Variants in FSTL5 observed in about 807,000 individuals in gnomAD.
FSTL5 encodes the protein follistatin like 5, also known as follistatin-related protein 5.
A neutral mutation model predicts 89.1 loss-of-function variants in FSTL5; 62 were observed. The observed-to-expected ratio is 0.70, with a 90% CI of 0.57 to 0.86. FSTL5 has a LOEUF of 0.86. FSTL5 is among the 40% of genes least tolerant of loss of function. The pLI is 0.00. For missense variants in FSTL5, 1,057 were observed against 1,001.6 expected, an observed-to-expected ratio of 1.06 and a Z score of -0.75; for synonymous variants, 383 against 346.2, an observed-to-expected ratio of 1.11 and a Z score of -1.18.
At chr4:161,819,865 T>C (rs1315168063) in intron 4 of FSTL5, among the ~76,000 whole-genome samples, 1 of 152,088 alleles carries the variant, frequency 6.6e-6, no homozygotes. Context: ...TCAAGTATTT[T>C]TATTCAAAAT....
intron 5 of FSTL5, among the ~76,000 whole-genome samples, chr4:161,772,606 A>G (rs1425197430): frequency 6.6e-6 from 1 of 152,154 alleles, no homozygotes; most frequent in Non-Finnish European, 1.5e-5. Flanking sequence ...AATAGCTGCA[A>G]AAAATAAAAT....
chr4:161,443,969 T>C (rs944228873), intron 15 of FSTL5, among the ~76,000 whole-genome samples: 2 of 151,906 alleles, frequency 1.3e-5, no homozygotes, highest in African/African-American at 4.8e-5. Flanking sequence ...AAATCTTCTA[T>C]TTTTAAAAGA....
chr4:162,011,793 G>A lies in FSTL5; in HGVS notation c.160+21832C>T, dbSNP rs187246865. On this transcript the variant is annotated intron_variant, in intron 3 of 15. Coordinates refer to ENST00000306100, the MANE Select transcript of FSTL5 (RefSeq NM_020116.5). ...ATTACAGATGTTAGCCACCGCGCCC[G>A]GCCATCAGTTTACTCTGTTAACCCT... Among the ~76,000 whole-genome samples, 434 of 152,026 alleles carry A rather than the reference G, an allele frequency of 2.9e-3. 3 individuals are homozygous for A. Among genetic ancestry groups the A allele is most frequent in the Non-Finnish European group, 4.4e-3 (296 of 67,928 alleles).
rs535254954 is a variant in FSTL5, at chr4:161,587,533, T to C, written c.937A>G (p.Thr313Ala). The change falls in exon 8 of 16, where the codon ACA becomes GCA. Residue 313 changes from threonine (T) to alanine (A), a missense_variant. Thr to Ala is a moderately conservative substitution (Grantham distance 58, BLOSUM62 0). Around this residue, in one of 3 missense-constraint regions of FSTL5, gnomAD observed 980 missense variants for 903.2 expected, o/e 1.08. Coordinates refer to ENST00000306100, the MANE Select transcript of FSTL5 (RefSeq NM_020116.5). ...DGSLYITKVT[T>A]THVGNYTCYA... ...CAGGTGTAATTGCCAACGTGAGTTG[T>C]GGTAACCTTAGTAATATACAAGGAC... 1 of 1,611,560 alleles carries C rather than the reference T, an allele frequency of 6.2e-7. No individual in the cohort carries two copies. The highest frequency in any genetic ancestry group is 1.1e-5 in the South Asian group (1 of 91,022).
At chr4:162,087,337 G>A (rs1341740441) in intron 2 of FSTL5, among the ~76,000 whole-genome samples, 1 of 151,984 alleles carries the variant, frequency 6.6e-6, no homozygotes, top group Non-Finnish European at 1.5e-5. Flanking sequence ...ATAATTTTCT[G>A]CATCAAACTG....
In FSTL5 at chr4:161,954,856, A is replaced by G. The variant is rs903341943; in HGVS notation, c.161-34204T>C. ...ACTAAATTGAAGATGGTCATAATAA[A>G]TTCAGATAATGTGAAAAATAATGTG... On this transcript the variant is annotated intron_variant, in intron 3 of 15. Transcript: ENST00000306100. 7.2e-5 allele frequency among the ~76,000 whole-genome samples: 11 copies of G among 151,838 alleles called. 1 individual carries two copies. Among genetic ancestry groups the G allele is most frequent in the South Asian group, 4.1e-4 (2 of 4,830 alleles).
At chr4:161,521,954 T>C (rs867894320) in intron 10 of FSTL5, among the ~76,000 whole-genome samples, 1 of 151,568 alleles carries the variant, frequency 6.6e-6, no homozygotes, top group Non-Finnish European at 1.5e-5. Context: ...ACATTATTGC[T>C]CCTACTAGGG....
At chr4:161,914,137 A>C (rs1418761277) in intron 4 of FSTL5, among the ~76,000 whole-genome samples, 1 of 152,174 alleles carries the variant, frequency 6.6e-6, no homozygotes, top group Non-Finnish European at 1.5e-5. Context: ...GAGACAAAGT[A>C]GAAGAAAAAA....
chr4:161,954,753 C>G (rs750560349), intron 3 of FSTL5, among the ~76,000 whole-genome samples: 1 of 151,436 alleles, frequency 6.6e-6, no homozygotes, highest in Admixed American at 6.6e-5. Flanking sequence ...TCTGTCAGAA[C>G]CAAAATCACT....
At chr4:161,387,524 A>T (rs1323202990) in intron 15 of FSTL5, 1 of 152,072 alleles carries the variant, frequency 6.6e-6, no homozygotes, top group Non-Finnish European at 1.5e-5. Context: ...ACACATAATT[A>T]TGACATGTAG....
intron 1 of FSTL5, among the ~76,000 whole-genome samples, chr4:162,125,397 AT>A (rs1299882446): frequency 6.6e-6 from 1 of 152,188 alleles, no homozygotes; most frequent in Non-Finnish European, 1.5e-5. Flanking sequence ...GAGGCACAGT[AT>A]AATGACAAGA....
At chr4:161,614,747 C>A (rs1734779223) in intron 7 of FSTL5, among the ~76,000 whole-genome samples, 1 of 152,146 alleles carries the variant, frequency 6.6e-6, no homozygotes, top group Admixed American at 6.5e-5. Context: ...TCTATACTCT[C>A]ATAGCAACTT....
At chr4:161,456,963 T>C (rs1733375393) in intron 14 of FSTL5, among the ~76,000 whole-genome samples, 1 of 152,198 alleles carries the variant, frequency 6.6e-6, no homozygotes, top group Admixed American at 6.5e-5. Flanking sequence ...TAGGCTGATA[T>C]GCTAGCAGCC....
chr4:162,121,528 T>C (rs1208844928), intron 1 of FSTL5, among the ~76,000 whole-genome samples: 5 of 152,044 alleles, frequency 3.3e-5, no homozygotes, highest in Non-Finnish European at 7.4e-5. Flanking sequence ...ATTATGTATG[T>C]TGGTATACAC....
At chr4:161,998,857 AACACACACACAC>A (rs10585971) in intron 3 of FSTL5, among the ~76,000 whole-genome samples, 10 of 146,582 alleles carry the variant, frequency 6.8e-5, no homozygotes, top group South Asian at 2.2e-4. Flanking sequence ...ACACACACAC[AACACACACACAC>A]ACACACACAC....
chr4:161,619,903 G>A (rs28541310), intron 7 of FSTL5, among the ~76,000 whole-genome samples: 5,490 of 151,794 alleles, frequency 0.036, 303 homozygotes, highest in African/African-American at 0.12. Context: ...TGTTTATTGC[G>A]GCACTATTCA....
chr4:161,612,589 A>C (rs940185472), intron 7 of FSTL5, among the ~76,000 whole-genome samples: 1 of 152,368 alleles, frequency 6.6e-6, no homozygotes, highest in African/African-American at 2.4e-5. Context: ...TTATTTTAAC[A>C]GAGACAAAAA....
At chr4:161,403,907 T>C (rs1731272295) in intron 15 of FSTL5, among the ~76,000 whole-genome samples, 1 of 152,312 alleles carries the variant, frequency 6.6e-6, no homozygotes, top group African/African-American at 2.4e-5. Context: ...GCCTATATAC[T>C]GAGTCAAGAA....
chr4:162,130,665 GT>G (rs1732265098), intron 1 of FSTL5, among the ~76,000 whole-genome samples: 1 of 152,068 alleles, frequency 6.6e-6, no homozygotes, highest in Non-Finnish European at 1.5e-5. Flanking sequence ...CATTTTCTGA[GT>G]GATTACCTTA....
Sources: allele counts gnomAD v4.1 joint callset (sites outside exome capture counted in the v4.1 genomes callset), GRCh38; gene constraint gnomAD v4.1.1; regional missense constraint gnomAD v4.1.1; transcripts MANE v1.5; gene names NCBI Gene and HGNC (gene_info 2026-07-23, HGNC 2026-07-21).